COL4A6: variants seen among roughly 807,000 people sequenced by gnomAD.
COL4A6 encodes collagen alpha-6(IV) chain.
In COL4A6, 59 loss-of-function variants were observed where a neutral mutation model predicts 126.7. The ratio of observed to expected loss-of-function variants is 0.47; its 90% CI spans 0.38 to 0.58. The LOEUF is 0.58. COL4A6 is among the 20% of genes least tolerant of loss of function. COL4A6 has a pLI of 0.00. For synonymous variants in COL4A6, 547 were observed against 496.6 expected, an observed-to-expected ratio of 1.10 and a Z score of -1.35; for missense variants, 1,285 against 1,337.3, an observed-to-expected ratio of 0.96 and a Z score of 0.61.
intron 3 of COL4A6, among the ~76,000 whole-genome samples, chrX:108,252,866 T>C (rs2036885712): frequency 8.9e-6 from 1 of 111,822 alleles, no homozygotes; most frequent in East Asian, 2.8e-4. Context: ...AATGAATCAA[T>C]GTGATAAACC....
intron 2 of COL4A6, among the ~76,000 whole-genome samples, chrX:108,346,393 C>T (rs1025474999): frequency 9.0e-6 from 1 of 111,107 alleles, no homozygotes; most frequent in Non-Finnish European, 1.9e-5. Flanking sequence ...AAAAAAATAC[C>T]GCCTTTCACA....
At chrX:108,368,632 C>G (rs948357721) in intron 2 of COL4A6, among the ~76,000 whole-genome samples, 2 of 111,904 alleles carry the variant, frequency 1.8e-5, no homozygotes, top group African/African-American at 6.5e-5. Context: ...ATATTTTAGA[C>G]TTTTGAATAT....
chrX:108,196,554 C>G lies in COL4A6; in HGVS notation c.860G>C (p.Gly287Ala). The change falls in exon 14 of 45, where the codon GGA becomes GCA. Residue 287 changes from glycine (G) to alanine (A), a missense_variant. By Grantham distance (60) the Gly-to-Ala change is moderately conservative. Transcript: ENST00000334504. The part of the protein sequence containing the change: ...FPGLGTTGEK[G>A]EKGEKGIPGL... ...AGGGATTCCCTTTTCTCCCTTTTCTCCCTTTTCTCCAGTAGTTCCAAGGCC... is the reference window on the plus strand; with the variant it reads ...AGGGATTCCCTTTTCTCCCTTTTCTGCCTTTTCTCCAGTAGTTCCAAGGCC... The G allele has an allele frequency of 8.3e-7, 1 of 1,205,878 alleles. No homozygotes were observed. Among genetic ancestry groups the G allele is most frequent in the Non-Finnish European group, 1.1e-6 (1 of 892,183 alleles).
chrX:108,426,499 T>A (rs889488003), intron 2 of COL4A6, among the ~76,000 whole-genome samples: 4 of 111,756 alleles, frequency 3.6e-5, no homozygotes, highest in Non-Finnish European at 7.5e-5. Flanking sequence ...TGGGGCGGTG[T>A]CTTTGGGCAT....
chrX:108,193,191 C>G (rs1380145549), intron 17 of COL4A6, among the ~76,000 whole-genome samples: 1 of 112,081 alleles, frequency 8.9e-6, no homozygotes, highest in Non-Finnish European at 1.9e-5. Context: ...CTTGAGGGCT[C>G]TCAGCCACTT....
At chrX:108,403,402 C>A (rs749531439) in intron 2 of COL4A6, among the ~76,000 whole-genome samples, 1 of 109,983 alleles carries the variant, frequency 9.1e-6, no homozygotes, top group Non-Finnish European at 1.9e-5. Context: ...CCTCTATTAT[C>A]TCCTTCTGGC....
intron 23 of COL4A6, among the ~76,000 whole-genome samples, chrX:108,185,086 T>A (rs1225219208): frequency 1.8e-5 from 2 of 111,983 alleles, no homozygotes; most frequent in Admixed American, 1.9e-4. Context: ...ACAGGCAGAA[T>A]GATTTTATTT....
At chrX:108,228,960 G>T (rs187829474) in intron 3 of COL4A6, among the ~76,000 whole-genome samples, 1 of 112,382 alleles carries the variant, frequency 8.9e-6, no homozygotes, top group East Asian at 2.8e-4. Context: ...GGCAAAGAAA[G>T]ACCCAACAAA....
chrX:108,423,260 G>A (rs1214564045), intron 2 of COL4A6, among the ~76,000 whole-genome samples: 1 of 112,048 alleles, frequency 8.9e-6, no homozygotes, highest in African/African-American at 3.2e-5. Flanking sequence ...CCAGTTAAAT[G>A]TGAGAAACAT....
intron 3 of COL4A6, among the ~76,000 whole-genome samples, chrX:108,222,037 T>C (rs2036031863): frequency 8.9e-6 from 1 of 112,877 alleles, no homozygotes; most frequent in South Asian, 3.6e-4. Flanking sequence ...GTGTTGAATG[T>C]GTAAAATACA....
intron 3 of COL4A6, among the ~76,000 whole-genome samples, chrX:108,257,508 A>G (rs765082600): frequency 1.8e-5 from 2 of 111,593 alleles, no homozygotes; most frequent in African/African-American, 6.5e-5. Context: ...TGTGAGACAG[A>G]AAACTCCTCT....
intron 2 of COL4A6, among the ~76,000 whole-genome samples, chrX:108,374,008 A>G (rs1346545684): frequency 1.8e-5 from 2 of 112,128 alleles, no homozygotes; most frequent in Non-Finnish European, 3.8e-5. Context: ...GGCTAAAAAG[A>G]CTCCTTATCA....
At chrX:108,324,993 T>G (rs1312703529) in intron 2 of COL4A6, among the ~76,000 whole-genome samples, 3 of 112,581 alleles carry the variant, frequency 2.7e-5, no homozygotes, top group Non-Finnish European at 5.6e-5. Flanking sequence ...TAATTTTCAT[T>G]TTGCTTGCAG....
intron 3 of COL4A6, among the ~76,000 whole-genome samples, chrX:108,259,343 CAAAT>C (rs764474691): frequency 7.2e-5 from 8 of 111,693 alleles, no homozygotes; most frequent in Non-Finnish European, 1.1e-4. Flanking sequence ...GACCACCCCA[CAAAT>C]AAATAGTTTA....
intron 24 of COL4A6, 121 bp from the exon 25 acceptor site, chrX:108,180,743 C>A: frequency 1.3e-6 from 1 of 772,050 alleles, no homozygotes. Context: ...CCTCCCCACA[C>A]TGCCCTCTCC....
At chrX:108,369,261 T>C (rs112681677) in intron 2 of COL4A6, among the ~76,000 whole-genome samples, 138 of 111,793 alleles carry the variant, frequency 1.2e-3, no homozygotes, top group African/African-American at 4.1e-3. Flanking sequence ...ATCGTACATG[T>C]GGTTCACTGT....
At chrX:108,289,326 A>T (rs1259690404) in intron 3 of COL4A6, among the ~76,000 whole-genome samples, 2 of 106,547 alleles carry the variant, frequency 1.9e-5, no homozygotes, top group African/African-American at 3.5e-5. Flanking sequence ...ATGCTTAAGT[A>T]TTTAGGGGTG....
At position 108,211,807 on chromosome X, in the gene COL4A6, G is replaced by C. The variant is rs189090489; in HGVS notation, c.442-67C>G. The C allele has an allele frequency of 1.4e-3, 1,469 of 1,019,056 alleles. 2 individuals carry two copies. Among genetic ancestry groups the C allele is most frequent in the Non-Finnish European group, 1.8e-3 (1,324 of 729,702 alleles). The allele number at this position is 1,019,056 out of a possible 1,213,427, so 84.0% of individuals were successfully genotyped here. A position where few individuals can be genotyped will look rare whatever the true frequency, so the allele number is the denominator to read the frequency against. ...TACAGTCTTTTTAATTGCATTATCT[G>C]ATCAGATAGAGGATGGGACAGCAAG... is the stretch of plus-strand genomic sequence containing the variant. On this transcript the variant is annotated intron_variant, in intron 6 of 44. Coordinates refer to ENST00000334504, the MANE Select transcript of COL4A6 (RefSeq NM_033641.4).
At chrX:108,389,228 A>C (rs1344451813) in intron 2 of COL4A6, among the ~76,000 whole-genome samples, 1 of 111,840 alleles carries the variant, frequency 8.9e-6, no homozygotes, top group Non-Finnish European at 1.9e-5. Flanking sequence ...GATGTCTATT[A>C]GGTCCACTTG....
Sources: gnomAD v4.1 joint callset for allele counts (sites outside exome capture counted in the v4.1 genomes callset) on GRCh38, gnomAD v4.1.1 for gene constraint, MANE v1.5 for transcripts, NCBI Gene and HGNC (gene_info 2026-07-23, HGNC 2026-07-21) for gene names.